The following NTAN1 variants were observed in gnomAD, a reference collection of about 807,000 sequenced individuals.
NTAN1 encodes the protein protein N-terminal asparagine amidohydrolase.
In NTAN1, 32 loss-of-function variants were observed where a neutral mutation model predicts 41.9. That is an observed-to-expected ratio of 0.76 (90% CI 0.58 to 1.03). The LOEUF (loss-of-function observed/expected upper bound fraction) is 1.03. Among genes scored for constraint, NTAN1 ranks in the 50% least tolerant of loss-of-function variants. The probability of loss-of-function intolerance (pLI) is 0.00; values close to 1 mark genes in which losing one functional copy is unlikely to be tolerated. For synonymous variants in NTAN1, 140 were observed against 139.5 expected (o/e 1.00, Z -0.03); for missense variants, 377 against 377.5 (o/e 1.00, Z 0.01).
At chr16:15,046,888 G>T (rs375092762) in intron 4 of NTAN1, among the ~76,000 whole-genome samples, 2 of 151,712 alleles carry the variant, frequency 1.3e-5, no homozygotes, top group African/African-American at 4.8e-5. Context: ...AACAAAAAGA[G>T]AACAAGAAAA....
chr16:15,043,547 G>A (rs1361624172), intron 5 of NTAN1, among the ~76,000 whole-genome samples: 1 of 152,206 alleles, frequency 6.6e-6, no homozygotes, highest in African/African-American at 2.4e-5. Context: ...CAGTCATGAT[G>A]CCAAATTGCT....
Position 15,055,903 on chromosome 16 carries a change from G to C in NTAN1, c.69C>G (p.His23Gln). The C allele has an allele frequency of 8.1e-7, 1 of 1,231,586 alleles. No homozygotes were observed. The highest frequency in any genetic ancestry group is 1.0e-6 in the Non-Finnish European group (1 of 986,776). 76.3% of individuals were successfully genotyped at this position (1,231,586 alleles called of 1,614,324 possible). ...PQSAGDLVRA[H>Q]PPLEERARLL... is the part of the protein sequence containing the mutation. ...GCGCCCCACTCACCTCCAAAGGCGGGTGGGCTCGGACGAGGTCCCCGGCTG... is the reference window on the plus strand; with the variant it reads ...GCGCCCCACTCACCTCCAAAGGCGGCTGGGCTCGGACGAGGTCCCCGGCTG... Residue 23 changes from histidine (H) to glutamine (Q), a missense_variant, in exon 1 of 10, where the codon CAC (histidine) becomes CAG (glutamine). Transcript: ENST00000287706.
intron 7 of NTAN1, 180 bp from the exon 8 acceptor site, chr16:15,040,246 C>T (rs1253923427): frequency 4.2e-5 from 18 of 426,696 alleles, no homozygotes; most frequent in Middle Eastern, 3.5e-4. Context: ...CCAAGCATCT[C>T]GGTGAAAATC....
chr16:15,046,021 A>T (rs2044045444), intron 4 of NTAN1: 1 of 152,302 alleles, frequency 6.6e-6, no homozygotes, highest in African/African-American at 2.4e-5. Flanking sequence ...TCACAGTTCT[A>T]CAACAGATCA....
At chr16:15,055,805 A>T in intron 1 of NTAN1, 86 bp downstream of exon 1, 1 of 721,208 alleles carries the variant, frequency 1.4e-6, no homozygotes, top group Non-Finnish European at 1.9e-6. Context: ...CCAAGTTTCA[A>T]GTCTGTGTCG....
At chr16:15,038,275 G>GACATCTTTA in intron 9 of NTAN1, 65 bp from the exon 10 acceptor site, 1 of 1,137,682 alleles carries the variant, frequency 8.8e-7, no homozygotes, top group Non-Finnish European at 1.3e-6. Context: ...TGATAAAGAT[G>GACATCTTTA]TCAAAGTATC....
chr16:15,047,417 C>G, intron 4 of NTAN1, 25 bp downstream of exon 4: 1 of 1,415,168 alleles, frequency 7.1e-7, no homozygotes, highest in East Asian at 2.3e-5. Context: ...TCTCAATTCA[C>G]CTATGAGAGC....
chr16:15,044,339 A>G lies in NTAN1; in HGVS notation c.428T>C (p.Leu143Pro), dbSNP rs1405904373. Residue 143 changes from leucine to proline, a missense_variant, in exon 5 of 10, where the codon CTT becomes CCT. Transcript: ENST00000287706. Reference sequence around the variant, plus strand: ...GAAAAAAAAAATGAACTTACTAAGAAGTTGATGAGTGAGTTTTTGTGACAA... The same window carrying G: ...GAAAAAAAAAATGAACTTACTAAGAGGTTGATGAGTGAGTTTTTGTGACAA... Reference protein sequence around the residue: ...RQLSQKLTHQLLSEFDRQEDD... With the variant: ...RQLSQKLTHQPLSEFDRQEDD... 1.2e-6 allele frequency: 2 copies of G among 1,606,884 alleles called. No individual in the cohort carries two copies. Among genetic ancestry groups the G allele is most frequent in the Non-Finnish European group, 1.7e-6 (2 of 1,173,678 alleles).
At chr16:15,052,963 C>G (rs2044356049) in intron 1 of NTAN1, among the ~76,000 whole-genome samples, 1 of 152,134 alleles carries the variant, frequency 6.6e-6, no homozygotes, top group Non-Finnish European at 1.5e-5. Flanking sequence ...TTAAGAGTGA[C>G]TAAGGGAGGG....
Position 15,055,802 on chromosome 16 carries a change from T to C in NTAN1, c.81+89A>G, listed in dbSNP as rs547445112. ...CCGGATGTGCCAACAGCGCCAAGTTTCAAGTCTGTGTCGCGTGAGGGGGGC... is the reference window on the plus strand; with the variant it reads ...CCGGATGTGCCAACAGCGCCAAGTTCCAAGTCTGTGTCGCGTGAGGGGGGC... On this transcript the variant is annotated intron_variant, in intron 1 of 9. Transcript: ENST00000287706. 5.1e-5 allele frequency: 36 copies of C among 706,410 alleles called. 1 individual carries two copies. The East Asian group carries it at 9.8e-4, about 19-fold the overall frequency. 43.8% of individuals were successfully genotyped at this position (706,410 alleles called of 1,614,324 possible). A position where few individuals can be genotyped will look rare whatever the true frequency, so the allele number is the denominator to read the frequency against.
Position 15,038,133 on chromosome 16 carries a change from T to G in NTAN1, c.831A>C (p.Lys277Asn). 1 of 1,612,680 alleles carries G rather than the reference T, an allele frequency of 6.2e-7. No homozygotes were observed. The highest frequency in any genetic ancestry group is 1.3e-5 in the African/African-American group (1 of 74,982). Residue 277 changes from lysine to asparagine, a missense_variant, in exon 10 of 10, where the codon AAA becomes AAC. Coordinates refer to ENST00000287706, the MANE Select transcript of NTAN1 (RefSeq NM_173474.4). ...ACAGTGTGTGAGCTGGAGATGGGTG[T>G]TTTTTTAAAAACATCAAGGTAGATC... is the stretch of plus-strand genomic sequence containing the variant. ...HIRSTLMFLKKHPSPAHTLFS... is the reference protein window; with the variant it reads ...HIRSTLMFLKNHPSPAHTLFS...
chr16:15,048,711 C>A (rs1299550824), intron 1 of NTAN1, among the ~76,000 whole-genome samples: 1 of 152,192 alleles, frequency 6.6e-6, no homozygotes, highest in Non-Finnish European at 1.5e-5. Flanking sequence ...GCAGCCTCCA[C>A]CTCCCAGGCT....
Position 15,039,999 on chromosome 16 carries a change from A to C in NTAN1, c.609T>G (p.Leu203=), listed in dbSNP as rs2043737781. Residue 203 remains leucine (L), a synonymous_variant, in exon 8 of 10, where the codon CTT becomes CTG. Coordinates refer to ENST00000287706, the MANE Select transcript of NTAN1 (RefSeq NM_173474.4). The part of the protein sequence containing the change: ...SFQDRGPEEQ[L]RAARTLAGGP... ...CTCCTGCTAAAGTTCGCGCAGCACG[A>C]AGCTGCTCCTCCGGACCCCGATCTT... 6.2e-7 allele frequency: 1 copy of C among 1,610,872 alleles called. No individual in the cohort carries two copies. Among genetic ancestry groups the C allele is most frequent in the Non-Finnish European group, 8.5e-7 (1 of 1,177,362 alleles).
At position 15,039,970 on chromosome 16, in the gene NTAN1, G is replaced by T; in HGVS notation, c.638C>A (p.Pro213Gln). The T allele has an allele frequency of 6.4e-7, 1 of 1,560,294 alleles. No individual in the cohort carries two copies. Among genetic ancestry groups the T allele is most frequent in the Non-Finnish European group, 8.8e-7 (1 of 1,135,224 alleles). Residue 213 changes from proline to glutamine, a missense_variant and splice_region_variant, in exon 8 of 10, where the codon CCA becomes CAA. Pro to Gln is a moderately conservative substitution (Grantham distance 76). Transcript: ENST00000287706. ...LRAARTLAGG[P>Q]MISIYDAETE... ...TAACAAAGATGATTTGAAACTCACT[G>T]GTCCTCCTGCTAAAGTTCGCGCAGC...
rs1208144181 is a variant in NTAN1 at position 15,055,988 on chromosome 16, C to G, written c.-17G>C. ...CAGCGGCATCGCGGAGGCGGCCGCCCAGGCAGGCCCAGGGAGGCGGCGGCC... is the reference window on the plus strand; with the variant it reads ...CAGCGGCATCGCGGAGGCGGCCGCCGAGGCAGGCCCAGGGAGGCGGCGGCC... On this transcript the variant is annotated 5_prime_UTR_variant, in exon 1 of 10. Transcript: ENST00000287706. 3.3e-6 allele frequency: 4 copies of G among 1,203,760 alleles called. No individual in the cohort carries two copies. In the East Asian group the frequency reaches 1.0e-4, roughly 30 times the overall value. 74.6% of individuals were successfully genotyped at this position (1,203,760 alleles called of 1,614,324 possible).
At chr16:15,055,536 G>A (rs906880868) in intron 1 of NTAN1, among the ~76,000 whole-genome samples, 4 of 152,338 alleles carry the variant, frequency 2.6e-5, no homozygotes, top group Middle Eastern at 6.8e-3. Flanking sequence ...GAAGGCGGGC[G>A]GCCGGATTTG....
At chr16:15,045,114 ACT>A (rs1239807514) in intron 4 of NTAN1, 1 of 130,624 alleles carries the variant, frequency 7.7e-6, no homozygotes, top group Admixed American at 8.6e-5. Context: ...ACAGAGTAAG[ACT>A]CTATCTCAAA....
At chr16:15,043,918 A>G (rs1451678485) in intron 5 of NTAN1, among the ~76,000 whole-genome samples, 2 of 152,160 alleles carry the variant, frequency 1.3e-5, no homozygotes, top group Admixed American at 1.3e-4. Context: ...ACTGCACTCC[A>G]ACTTGGGCAA....
rs1454552307 is a variant in NTAN1 at position 15,041,111 on chromosome 16, G to C, written c.498C>G (p.Asp166Glu). Residue 166 changes from aspartate to glutamate, a missense_variant, in exon 7 of 10, where the codon GAC becomes GAG. By Grantham distance (45) the Asp-to-Glu change is conservative (BLOSUM62 2). Coordinates refer to ENST00000287706, the MANE Select transcript of NTAN1 (RefSeq NM_173474.4). ...LVTLCVTELN[D>E]REENENHFPV... ...GAAAGTGGTTTTCGTTTTCTTCCCG[G>C]TCATTTAATTCTACAAAATAAGAAT... 3.2e-6 allele frequency: 5 copies of C among 1,562,344 alleles called. No homozygotes were observed. The highest frequency in any genetic ancestry group is 4.4e-6 in the Non-Finnish European group (5 of 1,132,988).
Sources: gnomAD v4.1 joint callset for allele counts (sites outside exome capture counted in the v4.1 genomes callset) on GRCh38, gnomAD v4.1.1 for gene constraint, MANE v1.5 for transcripts, NCBI Gene and HGNC (gene_info 2026-07-23, HGNC 2026-07-21) for gene names.